Variants in PAPPA2 observed in about 807,000 individuals in gnomAD.
PAPPA2 encodes pappalysin 2, also known as pappalysin-2.
Under a neutral mutation model 176.4 loss-of-function variants are expected in PAPPA2, and 86 were observed. The observed-to-expected ratio is 0.49, with a 90% CI of 0.41 to 0.58. The LOEUF (loss-of-function observed/expected upper bound fraction) is 0.58, where lower values mean the gene tolerates loss of function less well. Ranked by LOEUF, PAPPA2 falls within the 20% of genes least tolerant of loss-of-function variation. The pLI, the probability that PAPPA2 is intolerant of heterozygous loss-of-function variation, is 0.00. For missense variants in PAPPA2, 2,073 were observed against 2,256.9 expected (o/e 0.92, Z 1.65); for synonymous variants, 809 against 852.2 (o/e 0.95, Z 0.88).
intron 1 of PAPPA2, among the ~76,000 whole-genome samples, chr1:176,524,018 A>G (rs1649341095): frequency 6.6e-6 from 1 of 152,196 alleles, no homozygotes; most frequent in South Asian, 2.1e-4. Context: ...AAGAACTCCC[A>G]CCAGTCTCTA....
At chr1:176,480,336 G>A (rs2072991) in intron 1 of PAPPA2, among the ~76,000 whole-genome samples, 75,220 of 152,052 alleles carry the variant, frequency 0.49, 20,643 homozygotes, top group East Asian at 0.78. Flanking sequence ...GGAGAGGGCC[G>A]CTCCATGGCT....
At chr1:176,717,445 T>A (rs1362015945) in intron 12 of PAPPA2, among the ~76,000 whole-genome samples, 1 of 152,234 alleles carries the variant, frequency 6.6e-6, no homozygotes, top group Non-Finnish European at 1.5e-5. Flanking sequence ...AGCCATCTCT[T>A]AATTAGCATA....
chr1:176,610,279 T>C (rs575089248), intron 3 of PAPPA2, among the ~76,000 whole-genome samples: 2 of 151,542 alleles, frequency 1.3e-5, no homozygotes, highest in South Asian at 2.1e-4. Flanking sequence ...CTATGTCTCC[T>C]AGTTGTGGTC....
chr1:176,528,329 G>A (rs1292545321), intron 1 of PAPPA2, among the ~76,000 whole-genome samples: 1 of 152,162 alleles, frequency 6.6e-6, no homozygotes, highest in Non-Finnish European at 1.5e-5. Flanking sequence ...ACACATGATA[G>A]AGAATACATT....
intron 14 of PAPPA2, among the ~76,000 whole-genome samples, chr1:176,762,035 G>A (rs919407659): frequency 6.6e-6 from 1 of 152,212 alleles, no homozygotes; most frequent in African/African-American, 2.4e-5. Context: ...GTTTGTAGTG[G>A]AAGAGAAACA....
At chr1:176,693,540 T>A (rs891008745) in intron 6 of PAPPA2, among the ~76,000 whole-genome samples, 1 of 152,254 alleles carries the variant, frequency 6.6e-6, no homozygotes, top group African/African-American at 2.4e-5. Context: ...TTCCGTGCCC[T>A]TCAGCTTTGC....
intron 7 of PAPPA2, among the ~76,000 whole-genome samples, 157 bp downstream of exon 7, chr1:176,696,016 A>C (rs1660365966): frequency 6.7e-6 from 1 of 148,516 alleles, no homozygotes; most frequent in African/African-American, 2.5e-5. Context: ...GTTTTGCTGG[A>C]TATCTTTTGG....
intron 17 of PAPPA2, among the ~76,000 whole-genome samples, chr1:176,779,519 C>CACACACAGAGAGAGAGAG (rs1451138087): frequency 9.8e-6 from 1 of 102,538 alleles, no homozygotes; most frequent in African/African-American, 3.4e-5. Context: ...CACACACACA[C>CACACACAGAGAGAGAGAG]AGAGAGAGAG....
At chr1:176,801,594 TG>T (rs1665687423) in intron 21 of PAPPA2, among the ~76,000 whole-genome samples, 1 of 150,974 alleles carries the variant, frequency 6.6e-6, no homozygotes, top group Admixed American at 6.6e-5. Flanking sequence ...GGCAGTGGGG[TG>T]GGGACGCGGG....
intron 1 of PAPPA2, among the ~76,000 whole-genome samples, chr1:176,519,260 T>C (rs1032772559): frequency 6.6e-6 from 1 of 152,144 alleles, no homozygotes; most frequent in Non-Finnish European, 1.5e-5. Context: ...CATGGTCAAG[T>C]GCAGTAGTAG....
chr1:176,678,212 G>C (rs1659402178), intron 4 of PAPPA2, among the ~76,000 whole-genome samples: 1 of 152,062 alleles, frequency 6.6e-6, no homozygotes, highest in Non-Finnish European at 1.5e-5. Flanking sequence ...CCTGTGAAGA[G>C]ACTCAAAATA....
At chr1:176,754,921 G>C (rs1430288827) in intron 14 of PAPPA2, among the ~76,000 whole-genome samples, 2 of 152,152 alleles carry the variant, frequency 1.3e-5, no homozygotes, top group Non-Finnish European at 2.9e-5. Flanking sequence ...GAAGTCTGGA[G>C]ATTGAAGTGG....
At chr1:176,478,337 T>TATC (rs1384131669) in intron 1 of PAPPA2, among the ~76,000 whole-genome samples, 1 of 152,256 alleles carries the variant, frequency 6.6e-6, no homozygotes, top group Admixed American at 6.5e-5. Context: ...GATCATAGAC[T>TATC]CAGAAGGAGT....
chr1:176,815,689 G>A (rs969670999), intron 21 of PAPPA2, among the ~76,000 whole-genome samples: 3 of 151,998 alleles, frequency 2.0e-5, no homozygotes, highest in East Asian at 1.9e-4. Flanking sequence ...GCTTGTATAC[G>A]TGTTAGGGAG....
intron 2 of PAPPA2, among the ~76,000 whole-genome samples, chr1:176,581,406 C>G (rs1230543449): frequency 6.6e-6 from 1 of 152,108 alleles, no homozygotes; most frequent in African/African-American, 2.4e-5. Flanking sequence ...ATGCCTCCAG[C>G]TTTGTTCTTT....
chr1:176,610,324 T>G (rs1487114556), intron 3 of PAPPA2, among the ~76,000 whole-genome samples: 1 of 135,214 alleles, frequency 7.4e-6, no homozygotes. Context: ...CCTGCTGAAT[T>G]AATGCTGCAA....
chr1:176,583,755 T>C (rs1653124480), intron 2 of PAPPA2, among the ~76,000 whole-genome samples: 1 of 152,150 alleles, frequency 6.6e-6, no homozygotes, highest in Non-Finnish European at 1.5e-5. Context: ...CTGATGCTGA[T>C]TTTTAAAATT....
chr1:176,681,614 GC>G (rs1465062024), intron 4 of PAPPA2, among the ~76,000 whole-genome samples: 4 of 152,228 alleles, frequency 2.6e-5, no homozygotes, highest in Admixed American at 2.0e-4. Context: ...ATAAATATGA[GC>G]TTTTGTACCA....
chr1:176,478,913 AC>A (rs1358853994), intron 1 of PAPPA2, among the ~76,000 whole-genome samples: 1 of 152,152 alleles, frequency 6.6e-6, no homozygotes, highest in African/African-American at 2.4e-5. Flanking sequence ...AACTTTGATG[AC>A]CCTTTGGTGG....
Sources: allele counts gnomAD v4.1 joint callset (sites outside exome capture counted in the v4.1 genomes callset), GRCh38; gene constraint gnomAD v4.1.1; transcripts MANE v1.5; gene names NCBI Gene and HGNC (gene_info 2026-07-23, HGNC 2026-07-21).